CYP4F22: variants seen among roughly 807,000 people sequenced by gnomAD.
The protein encoded by CYP4F22 is ultra-long-chain fatty acid omega-hydroxylase.
Under a neutral mutation model 60.4 loss-of-function variants are expected in CYP4F22, and 37 were observed. That is an observed-to-expected ratio of 0.61 (90% CI 0.47 to 0.81). The LOEUF is 0.81. CYP4F22 is among the 30% of genes least tolerant of loss of function. CYP4F22 has a pLI of 0.00. For synonymous variants in CYP4F22, 258 were observed against 280.5 expected, an observed-to-expected ratio of 0.92 and a Z score of 0.80; for missense variants, 655 against 715.0, an observed-to-expected ratio of 0.92 and a Z score of 0.96.
At chr19:15,545,108 A>AT (rs137901243) in intron 10 of CYP4F22, among the ~76,000 whole-genome samples, 25,441 of 151,202 alleles carry the variant, frequency 0.17, 2,593 homozygotes, top group Middle Eastern at 0.32. Flanking sequence ...ATAAAATAAA[A>AT]AAAAAAAACA....
At chr19:15,518,378 C>T (rs572625707) in intron 1 of CYP4F22, among the ~76,000 whole-genome samples, 1 of 151,574 alleles carries the variant, frequency 6.6e-6, no homozygotes, top group South Asian at 2.1e-4. Context: ...CGGTGGCTCA[C>T]GCCTGTAATC....
intron 12 of CYP4F22, among the ~76,000 whole-genome samples, chr19:15,550,312 GACAA>G (rs1057195669): frequency 9.9e-5 from 15 of 151,792 alleles, no homozygotes; most frequent in African/African-American, 2.4e-4. Flanking sequence ...AACAAAGACA[GACAA>G]ACAAACAAAA....
chr19:15,548,190 C>G lies in CYP4F22; in HGVS notation c.1219C>G (p.Arg407Gly). Residue 407 changes from arginine (R) to glycine (G), a missense_variant, in exon 11 of 14, where the codon CGC becomes GGC. Physicochemically the swap from Arg to Gly is moderately radical, Grantham distance 125. This residue lies in a region of CYP4F22 where 74 missense variants were observed against 118.4 expected (regional missense o/e 0.62). Coordinates refer to ENST00000269703, the MANE Select transcript of CYP4F22 (RefSeq NM_173483.4). ...GTACCCACCTGTCACTCTTGTCTCT[C>G]GCCAATGCACGGAGGACATCAAGCT... ...RQYPPVTLVS[R>G]QCTEDIKLPD... 6.2e-7 allele frequency: 1 copy of G among 1,614,126 alleles called. No individual in the cohort carries two copies. The highest frequency in any genetic ancestry group is 8.5e-7 in the Non-Finnish European group (1 of 1,180,034).
Position 15,550,747 on chromosome 19 carries a change from C to T in CYP4F22, c.1409C>T (p.Ala470Val), listed in dbSNP as rs1971585469. 6.2e-7 allele frequency: 1 copy of T among 1,614,210 alleles called. No homozygotes were observed. Among genetic ancestry groups the T allele is most frequent in the Non-Finnish European group, 8.5e-7 (1 of 1,180,034 alleles). ...RSPLAYVPFS[A>V]GPRNCIGQSF... ...CCACTGGCCTATGTGCCCTTCTCTG[C>T]AGGACCCAGGTAACCCCTCTATTTC... The change falls in exon 13 of 14, where the codon GCA becomes GTA. Residue 470 changes from alanine (A) to valine (V), a missense_variant. By Grantham distance (64) the Ala-to-Val change is moderately conservative (BLOSUM62 0). Coordinates refer to ENST00000269703, the MANE Select transcript of CYP4F22 (RefSeq NM_173483.4).
chr19:15,535,084 T>C (rs1165376920), intron 4 of CYP4F22, among the ~76,000 whole-genome samples: 3 of 152,188 alleles, frequency 2.0e-5, no homozygotes, highest in African/African-American at 7.2e-5. Context: ...GGAGCCTATC[T>C]TGGAGTCCAG....
At chr19:15,532,373 CT>C (rs1405918123) in intron 4 of CYP4F22, among the ~76,000 whole-genome samples, 1 of 149,778 alleles carries the variant, frequency 6.7e-6, no homozygotes, top group Admixed American at 6.7e-5. Flanking sequence ...CCACCTTCTT[CT>C]TTTTCTTCCT....
At chr19:15,533,287 A>C (rs1205243411) in intron 4 of CYP4F22, among the ~76,000 whole-genome samples, 3 of 152,200 alleles carry the variant, frequency 2.0e-5, no homozygotes, top group Admixed American at 1.3e-4. Context: ...AACCATTTAC[A>C]AGTGAACAAT....
chr19:15,550,574 C>T, intron 12 of CYP4F22, 100 bp from the exon 13 acceptor site: 1 of 1,187,440 alleles, frequency 8.4e-7, no homozygotes, highest in Non-Finnish European at 1.2e-6. Context: ...CTGGGGTGCT[C>T]CCCATCCATC....
chr19:15,528,677 G>T (rs1971309316), intron 3 of CYP4F22, among the ~76,000 whole-genome samples: 1 of 152,120 alleles, frequency 6.6e-6, no homozygotes, highest in Admixed American at 6.6e-5. Context: ...GCCTCAACCA[G>T]AACAGTCACC....
Position 15,548,123 on chromosome 19 carries a change from G to A in CYP4F22, c.1152G>A (p.Gln384=), listed in dbSNP as rs1392763326. 1 of 1,612,816 alleles carries A rather than the reference G, an allele frequency of 6.2e-7. No homozygotes were observed. The highest frequency in any genetic ancestry group is 8.5e-7 in the Non-Finnish European group (1 of 1,179,664). The change falls in exon 11 of 14, where the codon CAG becomes CAA. Residue 384 remains glutamine, a synonymous_variant. Coordinates refer to ENST00000269703, the MANE Select transcript of CYP4F22 (RefSeq NM_173483.4). The stretch of plus-strand genomic sequence containing the variant: ...TTCTCCCCAGGGACGATCTGACTCA[G>A]CTGCCCTTTACAACTATGTGCATTA... ...LEELEWDDLT[Q]LPFTTMCIKE... is the part of the protein sequence containing the mutation.
At chr19:15,549,914 G>C (rs1286980511) in intron 12 of CYP4F22, among the ~76,000 whole-genome samples, 1 of 152,088 alleles carries the variant, frequency 6.6e-6, no homozygotes, top group Non-Finnish European at 1.5e-5. Context: ...GCTGCAATGA[G>C]CTATGGTTAT....
chr19:15,525,308 C>A (rs920905434), intron 2 of CYP4F22, 28 bp from the exon 3 acceptor site: 4 of 1,606,924 alleles, frequency 2.5e-6, no homozygotes, highest in Non-Finnish European at 3.4e-6. Flanking sequence ...GTGCATGGCA[C>A]CGACCCCCTG....
chr19:15,539,397 T>C (rs570185228), intron 7 of CYP4F22, among the ~76,000 whole-genome samples: 7 of 152,356 alleles, frequency 4.6e-5, no homozygotes, highest in South Asian at 4.1e-4. Context: ...TGAATAATGT[T>C]CCATTTACCA....
rs1568360188 is a variant in CYP4F22, at chr19:15,537,321, A to C, written c.368-40A>C. On this transcript the variant is annotated intron_variant, in intron 4 of 13. Transcript: ENST00000269703. Reference sequence around the variant, plus strand: ...GTAAAAAAAAACAAAAAACCAAAAAACTCTGTTTTGAGTCACCATTTTCCC... The same window carrying C: ...GTAAAAAAAAACAAAAAACCAAAAACCTCTGTTTTGAGTCACCATTTTCCC... 1.9e-6 allele frequency: 3 copies of C among 1,612,590 alleles called. No homozygotes were observed. In the South Asian group the frequency reaches 3.3e-5, roughly 18 times the overall value.
At chr19:15,533,853 T>A (rs1471920733) in intron 4 of CYP4F22, among the ~76,000 whole-genome samples, 1 of 151,870 alleles carries the variant, frequency 6.6e-6, no homozygotes, top group African/African-American at 2.4e-5. Flanking sequence ...CTGTATGGAT[T>A]TTTTTTTGTT....
chr19:15,534,560 T>TCCTGCC (rs912473761), intron 4 of CYP4F22, among the ~76,000 whole-genome samples: 1 of 152,088 alleles, frequency 6.6e-6, no homozygotes, highest in African/African-American at 2.4e-5. Flanking sequence ...CAAGTGATCC[T>TCCTGCC]CCTGCCTCTG....
intron 1 of CYP4F22, among the ~76,000 whole-genome samples, chr19:15,515,165 A>G (rs955028105): frequency 6.6e-6 from 1 of 152,162 alleles, no homozygotes; most frequent in Non-Finnish European, 1.5e-5. Context: ...AAACCCCAGC[A>G]CAGTCCAGCC....
chr19:15,541,305 T>C (rs2144534322), intron 8 of CYP4F22, among the ~76,000 whole-genome samples: 2 of 152,298 alleles, frequency 1.3e-5, no homozygotes, highest in East Asian at 3.9e-4. Flanking sequence ...CTAAGGCCCA[T>C]GAAGGATGAA....
chr19:15,509,012 A>G (rs1357182626), intron 1 of CYP4F22, among the ~76,000 whole-genome samples: 2 of 151,882 alleles, frequency 1.3e-5, no homozygotes, highest in Admixed American at 1.3e-4. Context: ...TCACCACTGC[A>G]CGTTGTCTTG....
Sources: allele counts gnomAD v4.1 joint callset (sites outside exome capture counted in the v4.1 genomes callset), GRCh38; gene constraint gnomAD v4.1.1; regional missense constraint gnomAD v4.1.1; transcripts MANE v1.5; gene names NCBI Gene and HGNC (gene_info 2026-07-23, HGNC 2026-07-21).